The following DHX15 variants were observed in gnomAD, a reference collection of about 807,000 sequenced individuals.
DHX15 encodes the protein DEAH-box helicase 15.
DHX15 carries 11 observed loss-of-function variants against 94.4 expected under a neutral mutation model. The observed-to-expected ratio is 0.12, with a 90% confidence interval of 0.07 to 0.19. The LOEUF is 0.19. Ranked by LOEUF, DHX15 falls within the 10% of genes least tolerant of loss-of-function variation. The pLI, the probability that DHX15 is intolerant of heterozygous loss-of-function variation, is 1.00. For missense variants in DHX15, 304 were observed against 988.5 expected, an observed-to-expected ratio of 0.31 and a Z score of 9.29; for synonymous variants, 338 against 329.9, an observed-to-expected ratio of 1.02 and a Z score of -0.27.
chr4:24,581,663 TA>T (rs1722419121), intron 1 of DHX15, among the ~76,000 whole-genome samples: 5 of 152,216 alleles, frequency 3.3e-5, no homozygotes, highest in Admixed American at 2.0e-4. Flanking sequence ...ATTAATACAT[TA>T]GCTTTACTTT....
chr4:24,584,299 C>T, intron 1 of DHX15, 24 bp downstream of exon 1: 1 of 1,605,048 alleles, frequency 6.2e-7, no homozygotes, highest in Non-Finnish European at 8.5e-7. Flanking sequence ...CGAGCTGCCG[C>T]CTCGCGCCCC....
intron 2 of DHX15, among the ~76,000 whole-genome samples, chr4:24,575,304 A>G (rs943751493): frequency 6.6e-6 from 1 of 152,194 alleles, no homozygotes; most frequent in Non-Finnish European, 1.5e-5. Context: ...CGGTATGTTC[A>G]ATCTCTGCAT....
At chr4:24,553,815 C>T (rs1019592666) in intron 5 of DHX15, among the ~76,000 whole-genome samples, 20 of 152,188 alleles carry the variant, frequency 1.3e-4, no homozygotes, top group South Asian at 4.1e-4. Flanking sequence ...AAAACCCTTT[C>T]GTAAAAGGCT....
chr4:24,578,726 TC>T (rs1181723206), intron 1 of DHX15, among the ~76,000 whole-genome samples: 1 of 151,932 alleles, frequency 6.6e-6, no homozygotes, highest in Non-Finnish European at 1.5e-5. Context: ...CCACCACGCC[TC>T]GCTAATTTCT....
chr4:24,537,216 A>T lies in DHX15; in HGVS notation c.1787-43T>A. On this transcript the variant is annotated intron_variant, in intron 10 of 13. Transcript: ENST00000336812. This position sits in a 1 kb window ranked among gnomAD's most constrained non-coding sequence, Gnocchi z 4.7. ...GGGCCCAACACAAACGCCCATATCGATGAGTCACGCATTCACAGATAGAGG... is the reference window on the plus strand; with the variant it reads ...GGGCCCAACACAAACGCCCATATCGTTGAGTCACGCATTCACAGATAGAGG... 6.2e-7 allele frequency: 1 copy of T among 1,611,260 alleles called. No homozygotes were observed. Among genetic ancestry groups the T allele is most frequent in the Non-Finnish European group, 8.5e-7 (1 of 1,178,400 alleles).
At chr4:24,578,841 G>C (rs192654197) in intron 1 of DHX15, among the ~76,000 whole-genome samples, 48 of 152,072 alleles carry the variant, frequency 3.2e-4, no homozygotes, top group African/African-American at 1.0e-3. Context: ...TGGGATTACC[G>C]ATGAGCTACC....
intron 5 of DHX15, 66 bp downstream of exon 5, chr4:24,554,659 T>C: frequency 1.7e-6 from 2 of 1,169,490 alleles, no homozygotes; most frequent in African/African-American, 1.5e-5. Context: ...GTTCTTATGA[T>C]TAAGGTTGCT....
chr4:24,548,403 A>G (rs983733905), intron 6 of DHX15, among the ~76,000 whole-genome samples: 5 of 151,996 alleles, frequency 3.3e-5, no homozygotes, highest in African/African-American at 9.7e-5. Flanking sequence ...TCGGCCTCCC[A>G]AAGTGCTGGG....
intron 5 of DHX15, among the ~76,000 whole-genome samples, chr4:24,551,105 AAG>A (rs1435726823): frequency 2.6e-5 from 4 of 152,358 alleles, no homozygotes; most frequent in Admixed American, 6.5e-5. Flanking sequence ...GACGGAAAAA[AAG>A]AGAGAGACAG....
intron 11 of DHX15, among the ~76,000 whole-genome samples, chr4:24,536,268 G>C (rs1721195407): frequency 6.6e-6 from 1 of 152,028 alleles, no homozygotes; most frequent in Non-Finnish European, 1.5e-5. Context: ...CCACTGGTGG[G>C]CATTTAGGTA....
At position 24,576,349 on chromosome 4, in the gene DHX15, C is replaced by T; in HGVS notation, c.401G>A (p.Arg134His). Residue 134 changes from arginine to histidine, a missense_variant, in exon 2 of 14, where the codon CGT becomes CAT. Arg to His is a conservative substitution (Grantham distance 29). Transcript: ENST00000336812. ...GTATTCCCAAACAGGGAGCTGAAGA[C>T]GTTTCTTTAGAATATCATAGTATCG... is the stretch of plus-strand genomic sequence containing the variant. ...TPRYYDILKK[R>H]LQLPVWEYKD... 6.2e-7 allele frequency: 1 copy of T among 1,614,150 alleles called. No individual in the cohort carries two copies. The highest frequency in any genetic ancestry group is 8.5e-7 in the Non-Finnish European group (1 of 1,180,020).
chr4:24,583,718 C>A (rs1039464275), intron 1 of DHX15, among the ~76,000 whole-genome samples: 1 of 152,156 alleles, frequency 6.6e-6, no homozygotes, highest in Non-Finnish European at 1.5e-5. Context: ...TCCTTTCTCC[C>A]GGCAGGTCCT....
Position 24,527,611 on chromosome 4 carries a change from C to A in DHX15, c.*313G>T. On this transcript the variant is annotated 3_prime_UTR_variant, in exon 14 of 14. Coordinates refer to ENST00000336812, the MANE Select transcript of DHX15 (RefSeq NM_001358.3). ...TTACAACGATCATGCATACCATGGT[C>A]GATAATCACATTTTAGAAGCATTTT... The A allele has an allele frequency of 4.2e-6, 1 of 235,712 alleles. No homozygotes were observed. Among genetic ancestry groups the A allele is most frequent in the African/African-American group, 2.2e-5 (1 of 44,736 alleles). The allele number at this position is 235,712 out of a possible 1,614,324, so 14.6% of individuals were successfully genotyped here.
intron 4 of DHX15, among the ~76,000 whole-genome samples, chr4:24,555,713 G>A (rs1012824711): frequency 1.3e-5 from 2 of 152,124 alleles, no homozygotes; most frequent in African/African-American, 2.4e-5. Context: ...GACTTTGGGG[G>A]ACAAAAATGT....
chr4:24,557,861 G>A (rs1188339818), intron 3 of DHX15, among the ~76,000 whole-genome samples: 1 of 151,676 alleles, frequency 6.6e-6, no homozygotes, highest in Non-Finnish European at 1.5e-5. Context: ...ATATATCACA[G>A]ACACGAGAGA....
At chr4:24,564,513 A>T (rs1436734000) in intron 3 of DHX15, among the ~76,000 whole-genome samples, 1 of 152,162 alleles carries the variant, frequency 6.6e-6, no homozygotes, top group Non-Finnish European at 1.5e-5. Flanking sequence ...CTCAGATGAA[A>T]TACCTCCTCC....
chr4:24,571,426 TA>T (rs1722120993), intron 2 of DHX15, among the ~76,000 whole-genome samples: 1 of 152,166 alleles, frequency 6.6e-6, no homozygotes, highest in Non-Finnish European at 1.5e-5. Flanking sequence ...GTCTCAAATT[TA>T]ACAGGACCTA....
At position 24,578,512 on chromosome 4, in the gene DHX15, G is replaced by A. The variant is rs895265471; in HGVS notation, c.72-1834C>T. On this transcript the variant is annotated intron_variant, in intron 1 of 13. Coordinates refer to ENST00000336812, the MANE Select transcript of DHX15 (RefSeq NM_001358.3). ...TGAACAAAAAGGATTCATGTTTCTA[G>A]TATTCACTCAACCATGGGGGAAGGA... Among the ~76,000 whole-genome samples the A allele has an allele frequency of 1.3e-5, 2 of 152,188 alleles. 1 individual carries two copies. The highest frequency in any genetic ancestry group is 2.9e-5 in the Non-Finnish European group (2 of 68,028).
intron 3 of DHX15, among the ~76,000 whole-genome samples, chr4:24,556,822 T>C (rs1048122923): frequency 5.1e-4 from 77 of 152,162 alleles, no homozygotes; most frequent in African/African-American, 1.8e-3. Flanking sequence ...CACTAAAATG[T>C]TACCACATGC....
Sources: gnomAD v4.1 joint callset for allele counts (sites outside exome capture counted in the v4.1 genomes callset) on GRCh38, gnomAD v4.1.1 for gene constraint, Gnocchi (gnomAD v3.1) non-coding constraint, MANE v1.5 for transcripts, NCBI Gene and HGNC (gene_info 2026-07-23, HGNC 2026-07-21) for gene names.